The following RAPGEF1 variants were observed in gnomAD, a reference collection of about 807,000 sequenced individuals.
RAPGEF1 encodes the protein Rap guanine nucleotide exchange factor 1.
In RAPGEF1, 33 loss-of-function variants were observed where a neutral mutation model predicts 143.3. The ratio of observed to expected loss-of-function variants is 0.23; its 90% CI spans 0.17 to 0.31. The LOEUF is 0.31. Among genes scored for constraint, RAPGEF1 ranks in the 10% least tolerant of loss-of-function variants. RAPGEF1 has a pLI of 1.00. For missense variants in RAPGEF1, 1,199 were observed against 1,645.4 expected, an observed-to-expected ratio of 0.73 and a Z score of 4.69; for synonymous variants, 629 against 676.5, an observed-to-expected ratio of 0.93 and a Z score of 1.09.
chr9:131,625,903 C>T lies in RAPGEF1; in HGVS notation c.1702+19G>A, dbSNP rs755705712. On this transcript the variant is annotated intron_variant, in intron 10 of 26. Coordinates refer to ENST00000683357, the MANE Select transcript of RAPGEF1 (RefSeq NM_001377935.1). ...GGTTATAAAATGCACTTCCTGACAA[C>T]AGTGCAACAAAGGCTTACTGTGTTT... The T allele has an allele frequency of 3.3e-6, 5 of 1,531,358 alleles. No individual in the cohort carries two copies. The highest frequency in any genetic ancestry group is 4.4e-6 in the Non-Finnish European group (5 of 1,135,448). 94.9% of individuals were successfully genotyped at this position (1,531,358 alleles called of 1,614,324 possible). A position where few individuals can be genotyped will look rare whatever the true frequency, so the allele number is the denominator to read the frequency against.
In RAPGEF1 at chr9:131,581,098, C is replaced by A. The variant is rs185113122; in HGVS notation, c.3513-707G>T. On this transcript the variant is annotated intron_variant, in intron 25 of 26. Transcript: ENST00000683357. ...CGGAGGTTGCAGTGAGCCAAGATTG[C>A]GCCACTGCCTGGGTAACAAGAACGT... Among the ~76,000 whole-genome samples, 240 of 151,646 alleles carry A rather than the reference C, an allele frequency of 1.6e-3. 1 individual carries two copies. Among genetic ancestry groups the A allele is most frequent in the African/African-American group, 5.6e-3 (233 of 41,350 alleles).
rs1251071727 is a variant in RAPGEF1 at position 131,584,442 on chromosome 9, A to G, written c.3313-30T>C. The G allele has an allele frequency of 6.2e-7, 1 of 1,613,170 alleles. No individual in the cohort carries two copies. The highest frequency in any genetic ancestry group is 1.3e-5 in the African/African-American group (1 of 74,886). The stretch of plus-strand genomic sequence containing the variant: ...CGAGAGAGGGGCGGTGCCGTGAGGC[A>G]GGAGGGCAGGCGGGTCCCGGGCTCC... On this transcript the variant is annotated intron_variant, in intron 23 of 26. Coordinates refer to ENST00000683357, the MANE Select transcript of RAPGEF1 (RefSeq NM_001377935.1). The surrounding 1 kb of genome is among the most constrained non-coding windows in gnomAD (Gnocchi z 6.8).
intron 1 of RAPGEF1, among the ~76,000 whole-genome samples, chr9:131,717,485 A>C (rs994715688): frequency 6.6e-6 from 1 of 152,164 alleles, no homozygotes; most frequent in South Asian, 2.1e-4. Flanking sequence ...CATAAAAAAG[A>C]AGCAAATAGG....
rs1952195713 is a variant in RAPGEF1, at chr9:131,583,436, T to C, written c.3415-734A>G. ...CCGGGTCTCTGACATGACCCCTGGG[T>C]GGCCTGGGTCACACTCGGGTTCCTG... On this transcript the variant is annotated intron_variant, in intron 24 of 26. Transcript: ENST00000683357. The surrounding 1 kb of genome is among the most constrained non-coding windows in gnomAD (Gnocchi z 4.7). Among the ~76,000 whole-genome samples the C allele has an allele frequency of 6.6e-6, 1 of 151,848 alleles. No individual in the cohort carries two copies. Among genetic ancestry groups the C allele is most frequent in the Admixed American group, 6.6e-5 (1 of 15,264 alleles).
Position 131,628,556 on chromosome 9 carries a change from T to C in RAPGEF1, c.1010A>G (p.Asn337Ser). 6.2e-7 allele frequency: 1 copy of C among 1,612,740 alleles called. No individual in the cohort carries two copies. The stretch of plus-strand genomic sequence containing the variant: ...GAACAGGGGCTGCATTACCTGCCTA[T>C]TGATTCCAACAGGCAAACTGGAGCC... ...TSGSSLPVGINRQDFDVDCYA... is the reference protein window; with the variant it reads ...TSGSSLPVGISRQDFDVDCYA... The change falls in exon 8 of 27, where the codon AAT becomes AGT. Residue 337 changes from asparagine (N) to serine (S), a missense_variant. This residue lies in a region of RAPGEF1 where 613 missense variants were observed against 710.9 expected (regional missense o/e 0.86). Coordinates refer to ENST00000683357, the MANE Select transcript of RAPGEF1 (RefSeq NM_001377935.1). The surrounding 1 kb of genome is among the most constrained non-coding windows in gnomAD (Gnocchi z 5.7).
intron 1 of RAPGEF1, chr9:131,725,530 C>CTCACTGCAGTCTTG (rs1398489210): frequency 6.6e-6 from 1 of 152,188 alleles, no homozygotes; most frequent in Non-Finnish European, 1.5e-5. Flanking sequence ...GCTATCAGAG[C>CTCACTGCAGTCTTG]TCACTGCAGT....
chr9:131,711,793 A>G (rs1835527697), intron 1 of RAPGEF1, among the ~76,000 whole-genome samples: 1 of 152,264 alleles, frequency 6.6e-6, no homozygotes, highest in African/African-American at 2.4e-5. Context: ...GAGCAAGTAT[A>G]GAACCGGAGT....
intron 1 of RAPGEF1, among the ~76,000 whole-genome samples, chr9:131,674,517 C>G (rs941768369): frequency 1.3e-5 from 2 of 152,166 alleles, no homozygotes; most frequent in African/African-American, 4.8e-5. Flanking sequence ...GTCCCTCTCC[C>G]TCAGGTGCAA....
At chr9:131,639,981 G>A (rs563673079) in intron 4 of RAPGEF1, among the ~76,000 whole-genome samples, 5 of 152,256 alleles carry the variant, frequency 3.3e-5, no homozygotes, top group Admixed American at 2.6e-4. Flanking sequence ...GAAAAGGGTC[G>A]GCAGGAATGA....
intron 18 of RAPGEF1, 139 bp from the exon 19 acceptor site, chr9:131,590,117 G>A: frequency 1.4e-6 from 1 of 740,328 alleles, no homozygotes; most frequent in South Asian, 1.5e-5. Flanking sequence ...CAGAAACGAG[G>A]GCACGGGACT....
At chr9:131,705,997 A>G (rs1289438114) in intron 1 of RAPGEF1, among the ~76,000 whole-genome samples, 1 of 152,180 alleles carries the variant, frequency 6.6e-6, no homozygotes, top group East Asian at 1.9e-4. Flanking sequence ...AATCATGATC[A>G]TCTTTGGCTC....
At chr9:131,719,917 A>T (rs1466337194) in intron 1 of RAPGEF1, among the ~76,000 whole-genome samples, 1 of 139,552 alleles carries the variant, frequency 7.2e-6, no homozygotes, top group Non-Finnish European at 1.5e-5. Flanking sequence ...CAAGAGTCTC[A>T]CTCTGTCACC....
Position 131,628,610 on chromosome 9 carries a change from A to G in RAPGEF1, c.956T>C (p.Val319Ala). ...GGTGGCTCGGCTCATGGGGGCCACCACAGCCACTCGGGTAGGGGACGGCGC... is the reference window on the plus strand; with the variant it reads ...GGTGGCTCGGCTCATGGGGGCCACCGCAGCCACTCGGGTAGGGGACGGCGC... ...QSAPSPTRVA[V>A]VAPMSRATSG... The change falls in exon 8 of 27, where the codon GTG becomes GCG. Residue 319 changes from valine (V) to alanine (A), a missense_variant. Val to Ala is a moderately conservative substitution (Grantham distance 64). Around this residue, in one of 6 missense-constraint regions of RAPGEF1, gnomAD observed 613 missense variants for 710.9 expected, o/e 0.86. Transcript: ENST00000683357. The surrounding 1 kb of genome is among the most constrained non-coding windows in gnomAD (Gnocchi z 5.7). 1.2e-6 allele frequency: 2 copies of G among 1,612,428 alleles called. No individual in the cohort carries two copies. Among genetic ancestry groups the G allele is most frequent in the Non-Finnish European group, 1.7e-6 (2 of 1,179,230 alleles).
chr9:131,605,231 G>C lies in RAPGEF1; in HGVS notation c.2062-43C>G, dbSNP rs1239453118. On this transcript the variant is annotated intron_variant, in intron 12 of 26. Transcript: ENST00000683357. Reference sequence around the variant, plus strand: ...AGAACAAACAAAAACGAGAATACAAGAAGAAAAGAGAAAAAGTAATTAGAT... The same window carrying C: ...AGAACAAACAAAAACGAGAATACAACAAGAAAAGAGAAAAAGTAATTAGAT... 3.2e-6 allele frequency: 4 copies of C among 1,233,428 alleles called. 1 individual carries two copies. The South Asian group carries it at 5.6e-5, about 17-fold the overall frequency. 76.4% of individuals were successfully genotyped at this position (1,233,428 alleles called of 1,614,324 possible).
intron 1 of RAPGEF1, among the ~76,000 whole-genome samples, chr9:131,699,491 G>A (rs1369705613): frequency 6.6e-6 from 1 of 152,062 alleles, no homozygotes; most frequent in Non-Finnish European, 1.5e-5. Flanking sequence ...TGATCCGCCC[G>A]CCTCGGCCTC....
intron 1 of RAPGEF1, among the ~76,000 whole-genome samples, chr9:131,687,350 CT>C (rs1833433803): frequency 6.6e-6 from 1 of 152,124 alleles, no homozygotes. Context: ...ACCACCACCC[CT>C]GGATAATTTT....
chr9:131,659,174 G>A (rs1270473150), intron 1 of RAPGEF1, among the ~76,000 whole-genome samples: 2 of 152,180 alleles, frequency 1.3e-5, no homozygotes, highest in Admixed American at 6.5e-5. Context: ...TGGAGTGGAG[G>A]CGTGATTGAG....
chr9:131,612,471 T>A (rs1412054184), intron 12 of RAPGEF1, among the ~76,000 whole-genome samples: 1 of 152,216 alleles, frequency 6.6e-6, no homozygotes, highest in African/African-American at 2.4e-5. Context: ...CGAGGCACTC[T>A]CAGCTCTGTT....
intron 1 of RAPGEF1, among the ~76,000 whole-genome samples, chr9:131,698,115 T>C (rs1447716891): frequency 6.6e-6 from 1 of 152,090 alleles, no homozygotes; most frequent in Non-Finnish European, 1.5e-5. Context: ...TCAAAGGGAT[T>C]CTCATAAATA....
Sources: gnomAD v4.1 joint callset for allele counts (sites outside exome capture counted in the v4.1 genomes callset) on GRCh38, gnomAD v4.1.1 for gene constraint, gnomAD v4.1.1 regional missense constraint, Gnocchi (gnomAD v3.1) non-coding constraint, MANE v1.5 for transcripts, NCBI Gene and HGNC (gene_info 2026-07-23, HGNC 2026-07-21) for gene names.